Variants in VWA5B1 observed in about 807,000 individuals in gnomAD.
The protein encoded by VWA5B1 is von Willebrand factor A domain-containing protein 5B1.
A neutral mutation model predicts 118.2 loss-of-function variants in VWA5B1; 115 were observed. The observed-to-expected ratio is 0.97, with a 90% confidence interval of 0.84 to 1.14. The LOEUF is 1.14. VWA5B1 is among the 50% of genes most tolerant of loss of function. The pLI, the probability that VWA5B1 is intolerant of heterozygous loss-of-function variation, is 0.00. For synonymous variants in VWA5B1, 682 were observed against 658.4 expected, an observed-to-expected ratio of 1.04 and a Z score of -0.55; for missense variants, 1,596 against 1,603.8, an observed-to-expected ratio of 1.00 and a Z score of 0.08.
At chr1:20,334,496 G>A (rs2089659578) in intron 12 of VWA5B1, among the ~76,000 whole-genome samples, 2 of 152,188 alleles carry the variant, frequency 1.3e-5, no homozygotes, top group African/African-American at 4.8e-5. Context: ...CTCCTGGGAA[G>A]CAACCTAGAA....
rs2089613230 is a variant in VWA5B1 at position 20,332,928 on chromosome 1, T to TAGG, written c.1735_1736insAGG (p.Leu579delinsTer). 1.9e-6 allele frequency: 3 copies of TAGG among 1,551,828 alleles called. No individual in the cohort carries two copies. The East Asian group carries it at 7.3e-5, about 38-fold the overall frequency. On this transcript the variant is annotated stop_gained, in exon 12 of 22. Transcript: ENST00000289815. LOFTEE classifies it high-confidence loss of function. ...GTATGGCATTGTATGTGATGCTTCT[T>TAGG]TGCACATCTCCAATCCCAGATCTGT... is the stretch of plus-strand genomic sequence containing the variant.
chr1:20,331,206 A>G (rs969703049), intron 11 of VWA5B1, among the ~76,000 whole-genome samples: 4 of 152,212 alleles, frequency 2.6e-5, no homozygotes, highest in Non-Finnish European at 4.4e-5. Flanking sequence ...GCCACTGGAC[A>G]CACACTCCAT....
At chr1:20,340,597 T>C (rs1186618652) in intron 14 of VWA5B1, among the ~76,000 whole-genome samples, 1 of 152,236 alleles carries the variant, frequency 6.6e-6, no homozygotes, top group Non-Finnish European at 1.5e-5. Flanking sequence ...ACCTGGTAAG[T>C]GTCTTTTCGC....
rs1398305487 is a variant in VWA5B1 at position 20,355,709 on chromosome 1, A to AGG, written c.*1449_*1450dup. Among the ~76,000 whole-genome samples the AGG allele has an allele frequency of 6.6e-6, 1 of 152,220 alleles. No individual in the cohort carries two copies. The highest frequency in any genetic ancestry group is 2.4e-5 in the African/African-American group (1 of 41,464). ...ACTCGAGGGGTGTGCAGCCTCCAGCAGGGGCTGGAGTCAGGGAGGAGGCTC... is the reference window on the plus strand; with the variant it reads ...ACTCGAGGGGTGTGCAGCCTCCAGCAGGGGGGCTGGAGTCAGGGAGGAGGCTC... On this transcript the variant is annotated 3_prime_UTR_variant, in exon 22 of 22. Transcript: ENST00000289815.
chr1:20,308,151 T>G (rs1484755308), intron 1 of VWA5B1, among the ~76,000 whole-genome samples: 1 of 152,218 alleles, frequency 6.6e-6, no homozygotes, highest in African/African-American at 2.4e-5. Context: ...GTTCCTGCAT[T>G]ATTCGCTTAG....
At position 20,356,450 on chromosome 1, in the gene VWA5B1, C is replaced by G. The variant is rs1432696239; in HGVS notation, c.*2187C>G. On this transcript the variant is annotated 3_prime_UTR_variant, in exon 22 of 22. Coordinates refer to ENST00000289815, the MANE Select transcript of VWA5B1 (RefSeq NM_001039500.3). ...TGGGCCTCTTTCTTCCTCTACATAACCAGGCTGAACTGGGCTGTCCAGCAC... is the reference window on the plus strand; with the variant it reads ...TGGGCCTCTTTCTTCCTCTACATAAGCAGGCTGAACTGGGCTGTCCAGCAC... Among the ~76,000 whole-genome samples the G allele has an allele frequency of 1.3e-5, 2 of 152,174 alleles. No homozygotes were observed. The highest frequency in any genetic ancestry group is 2.9e-5 in the Non-Finnish European group (2 of 68,036).
intron 1 of VWA5B1, among the ~76,000 whole-genome samples, chr1:20,306,189 G>A (rs1412802494): frequency 2.0e-5 from 3 of 152,172 alleles, no homozygotes; most frequent in African/African-American, 7.2e-5. Context: ...CAATTTTAAA[G>A]TAGGTTTTCA....
intron 1 of VWA5B1, among the ~76,000 whole-genome samples, chr1:20,309,581 G>A (rs72982046): frequency 0.01 from 1,570 of 152,338 alleles, 34 homozygotes; most frequent in African/African-American, 0.035. Flanking sequence ...GGGCTGGAGA[G>A]GCCAGCAGGG....
chr1:20,300,505 G>A (rs190188998), intron 1 of VWA5B1, among the ~76,000 whole-genome samples: 43 of 152,206 alleles, frequency 2.8e-4, no homozygotes, highest in African/African-American at 7.9e-4. Context: ...AAGTATAGAG[G>A]GTGATGAATC....
Position 20,299,386 on chromosome 1 carries a change from T to C in VWA5B1, c.-27+8298T>C, listed in dbSNP as rs145639310. 1.0e-3 allele frequency among the ~76,000 whole-genome samples: 154 copies of C among 152,006 alleles called. 1 individual carries two copies. Among genetic ancestry groups the C allele is most frequent in the African/African-American group, 3.7e-3 (154 of 41,456 alleles). On this transcript the variant is annotated intron_variant, in intron 1 of 21. Coordinates refer to ENST00000289815, the MANE Select transcript of VWA5B1 (RefSeq NM_001039500.3). Reference sequence around the variant, plus strand: ...TCTTTGTGTGTCCCTCGTGCTCCAGTTTTGGTTTTTTGTTTTGTTTTTGTT... The same window carrying C: ...TCTTTGTGTGTCCCTCGTGCTCCAGCTTTGGTTTTTTGTTTTGTTTTTGTT...
intron 17 of VWA5B1, among the ~76,000 whole-genome samples, chr1:20,346,572 G>T (rs984592456): frequency 6.6e-6 from 1 of 152,184 alleles, no homozygotes; most frequent in African/African-American, 2.4e-5. Flanking sequence ...ATTTAAAATT[G>T]TGATGTATGT....
intron 14 of VWA5B1, among the ~76,000 whole-genome samples, chr1:20,340,297 T>C (rs2089842441): frequency 6.6e-6 from 1 of 152,196 alleles, no homozygotes; most frequent in African/African-American, 2.4e-5. Context: ...CAGCTTCTGT[T>C]GCTCTCTGTG....
chr1:20,332,625 G>A (rs1045534963), intron 11 of VWA5B1, 141 bp from the exon 12 acceptor site: 1 of 701,940 alleles, frequency 1.4e-6, no homozygotes, highest in Admixed American at 3.3e-5. Flanking sequence ...TCAGAAGTGT[G>A]CTCAGTGCTA....
At chr1:20,306,919 C>G (rs1369833503) in intron 1 of VWA5B1, among the ~76,000 whole-genome samples, 1 of 152,150 alleles carries the variant, frequency 6.6e-6, no homozygotes, top group Non-Finnish European at 1.5e-5. Flanking sequence ...TAACTCCGGG[C>G]ACTCCTTCTG....
chr1:20,312,762 T>G, intron 2 of VWA5B1, 74 bp from the exon 3 acceptor site: 1 of 1,452,806 alleles, frequency 6.9e-7, no homozygotes, highest in Middle Eastern at 1.8e-4. Context: ...GACCAAGGGT[T>G]CAGGTTCCTT....
rs1052837407 is a variant in VWA5B1 at position 20,310,593 on chromosome 1, G to A, written c.-9G>A. 4.6e-6 allele frequency: 7 copies of A among 1,528,642 alleles called. No individual in the cohort carries two copies. Among genetic ancestry groups the A allele is most frequent in the African/African-American group, 1.4e-5 (1 of 72,500 alleles). The allele number at this position is 1,528,642 out of a possible 1,614,324, so 94.7% of individuals were successfully genotyped here. Reference sequence around the variant, plus strand: ...TCTCACAGGTTCTGAAGGCTGAGTAGCCAGCGGGATGCCCGGCTTGCTGAA... The same window carrying A: ...TCTCACAGGTTCTGAAGGCTGAGTAACCAGCGGGATGCCCGGCTTGCTGAA... On this transcript the variant is annotated 5_prime_UTR_variant, in exon 2 of 22. An upstream open reading frame in the 5' UTR loses its in-frame stop. Coordinates refer to ENST00000289815, the MANE Select transcript of VWA5B1 (RefSeq NM_001039500.3).
intron 2 of VWA5B1, among the ~76,000 whole-genome samples, chr1:20,312,028 G>A (rs750049858): frequency 6.6e-6 from 1 of 152,194 alleles, no homozygotes; most frequent in Non-Finnish European, 1.5e-5. Flanking sequence ...GGCCCAGAGG[G>A]AGCGGAGGTC....
intron 8 of VWA5B1, among the ~76,000 whole-genome samples, chr1:20,326,873 C>T (rs970754502): frequency 3.9e-5 from 6 of 152,152 alleles, no homozygotes; most frequent in Non-Finnish European, 7.3e-5. Context: ...ATATAGATCT[C>T]ACTGAGTTGA....
chr1:20,340,766 G>A lies in VWA5B1; in HGVS notation c.2134-1666G>A, dbSNP rs187219704. 3.1e-3 allele frequency among the ~76,000 whole-genome samples: 479 copies of A among 152,188 alleles called. 3 individuals carry two copies. The highest frequency in any genetic ancestry group is 0.011 in the African/African-American group (458 of 41,506). ...AGTCAGGTATAAAGTACAAATAAAAGGCCCCCTGTCCTATTCCCAGACCCA... is the reference window on the plus strand; with the variant it reads ...AGTCAGGTATAAAGTACAAATAAAAAGCCCCCTGTCCTATTCCCAGACCCA... On this transcript the variant is annotated intron_variant, in intron 14 of 21. Coordinates refer to ENST00000289815, the MANE Select transcript of VWA5B1 (RefSeq NM_001039500.3).
Sources: allele counts gnomAD v4.1 joint callset (sites outside exome capture counted in the v4.1 genomes callset), GRCh38; gene constraint gnomAD v4.1.1; transcripts MANE v1.5; gene names NCBI Gene and HGNC (gene_info 2026-07-23, HGNC 2026-07-21).